Variants in KMT2A observed in about 807,000 individuals in gnomAD.
KMT2A encodes the protein lysine methyltransferase 2A.
KMT2A carries 16 observed loss-of-function variants against 345.3 expected under a neutral mutation model. The ratio of observed to expected loss-of-function variants is 0.05; its 90% CI spans 0.03 to 0.07. The LOEUF (loss-of-function observed/expected upper bound fraction) is 0.07, where lower values mean the gene tolerates loss of function less well. Ranked by LOEUF, KMT2A falls within the 10% of genes least tolerant of loss-of-function variation. The pLI is 1.00. For missense variants in KMT2A, 3,272 were observed against 4,841.6 expected (o/e 0.68, Z 9.62); for synonymous variants, 1,599 against 1,778.6 (o/e 0.90, Z 2.54).
In KMT2A at chr11:118,482,469, C is replaced by T; in HGVS notation, c.4060C>T (p.Pro1354Ser). Residue 1354 changes from proline to serine, a missense_variant, in exon 8 of 36, where the codon CCT becomes TCT. By Grantham distance (74) the Pro-to-Ser change is moderately conservative (BLOSUM62 -1). Coordinates refer to ENST00000534358, the MANE Select transcript of KMT2A (RefSeq NM_001197104.2). ...AAAAGTGGCTCCCCGCCCAAGTATC[C>T]CTGTAAAACAAAAACCAAAAGAAAA... is the stretch of plus-strand genomic sequence containing the variant. The part of the protein sequence containing the change: ...QKKVAPRPSI[P>S]VKQKPKEKEK... The T allele has an allele frequency of 1.2e-6, 2 of 1,612,908 alleles. No individual in the cohort carries two copies. Among genetic ancestry groups the T allele is most frequent in the East Asian group, 4.5e-5 (2 of 44,866 alleles).
At position 118,522,264 on chromosome 11, in the gene KMT2A, A is replaced by ATT; in HGVS notation, c.*93_*94dup. 7.2e-7 allele frequency: 1 copy of ATT among 1,391,624 alleles called. No homozygotes were observed. Among genetic ancestry groups the ATT allele is most frequent in the South Asian group, 1.3e-5 (1 of 76,326 alleles). 86.2% of individuals were successfully genotyped at this position (1,391,624 alleles called of 1,614,324 possible). On this transcript the variant is annotated 3_prime_UTR_variant, in exon 36 of 36. Transcript: ENST00000534358. The surrounding 1 kb of genome is among the most constrained non-coding windows in gnomAD (Gnocchi z 5.4). Reference sequence around the variant, plus strand: ...TTTTCCAGCAGCTGGGAGCTCCCGGATTGCGTGGCACAGCTGAGGGGCCTC... The same window carrying ATT: ...TTTTCCAGCAGCTGGGAGCTCCCGGATTTTGCGTGGCACAGCTGAGGGGCCTC...
At position 118,504,907 on chromosome 11, in the gene KMT2A, C is replaced by T. The variant is rs1950555700; in HGVS notation, c.9015C>T (p.Asp3005=). The change falls in exon 27 of 36, where the codon GAC becomes GAT. Residue 3005 remains aspartate (D), a synonymous_variant. Transcript: ENST00000534358. The surrounding 1 kb of genome is among the most constrained non-coding windows in gnomAD (Gnocchi z 6.4). ...TTATCCAAGGACACATGGATGCAGA[C>T]CACATCTCTAGCCCTCCTTGTGGTT... ...DHFIQGHMDA[D]HISSPPCGSV... 2 of 1,614,192 alleles carry T rather than the reference C, an allele frequency of 1.2e-6. No individual in the cohort carries two copies. The highest frequency in any genetic ancestry group is 1.7e-6 in the Non-Finnish European group (2 of 1,180,030).
chr11:118,521,531 TAAAA>T lies in KMT2A; in HGVS notation c.11643+118_11643+121del, dbSNP rs1950969247. ...ATGTTATCAATTCAGAGACCTTTCT[TAAAA>T]AAATAAACTCTGAAATTTGTGAGGG... On this transcript the variant is annotated intron_variant, in intron 35 of 35. Transcript: ENST00000534358. This position sits in a 1 kb window ranked among gnomAD's most constrained non-coding sequence, Gnocchi z 5.3. The T allele has an allele frequency of 7.9e-7, 1 of 1,264,076 alleles. No individual in the cohort carries two copies. The highest frequency in any genetic ancestry group is 1.5e-5 in the African/African-American group (1 of 66,602). 78.3% of individuals were successfully genotyped at this position (1,264,076 alleles called of 1,614,324 possible).
chr11:118,455,261 A>G (rs1210368629), intron 1 of KMT2A, among the ~76,000 whole-genome samples: 1 of 152,186 alleles, frequency 6.6e-6, no homozygotes, highest in Non-Finnish European at 1.5e-5. Context: ...TTCATGGGGC[A>G]GGAATTTTGT....
rs1467560463 is a variant in KMT2A at position 118,521,485 on chromosome 11, G to A, written c.11643+68G>A. On this transcript the variant is annotated intron_variant, in intron 35 of 35. Coordinates refer to ENST00000534358, the MANE Select transcript of KMT2A (RefSeq NM_001197104.2). The surrounding 1 kb of genome is among the most constrained non-coding windows in gnomAD (Gnocchi z 5.3). ...GTAGAAAGGGACCAGTATGACCCCT[G>A]GATCACAAAAGAAATAGTGTATGTT... 2.3e-5 allele frequency: 35 copies of A among 1,544,066 alleles called. No individual in the cohort carries two copies. The Middle Eastern group carries it at 5.1e-4, about 23-fold the overall frequency.
At position 118,506,166 on chromosome 11, in the gene KMT2A, C is replaced by G. The variant is rs140200473; in HGVS notation, c.10274C>G (p.Ala3425Gly). Residue 3425 changes from alanine (A) to glycine (G), a missense_variant, in exon 27 of 36, where the codon GCG becomes GGG. Physicochemically the swap from Ala to Gly is moderately conservative, Grantham distance 60. This residue lies in a region of KMT2A where 748 missense variants were observed against 922.2 expected (regional missense o/e 0.81). Coordinates refer to ENST00000534358, the MANE Select transcript of KMT2A (RefSeq NM_001197104.2). ...SQTPSTAAIT[A>G]ASSICVLPST... ...ACCCCCTCTACTGCTGCAATAACAGCGGCATCTAGCATCTGTGTGCTCCCC... is the reference window on the plus strand; with the variant it reads ...ACCCCCTCTACTGCTGCAATAACAGGGGCATCTAGCATCTGTGTGCTCCCC... 6.2e-7 allele frequency: 1 copy of G among 1,614,016 alleles called. No homozygotes were observed. The highest frequency in any genetic ancestry group is 1.3e-5 in the African/African-American group (1 of 74,908).
In KMT2A at chr11:118,497,858, A is replaced by T; in HGVS notation, c.5665-78A>T. ...TAGTTGCTTTCTTGAGGTTATCTTC[A>T]CTGGAAAAGCTAATGCCGAGGAAAA... On this transcript the variant is annotated intron_variant, in intron 20 of 35. Transcript: ENST00000534358. This position sits in a 1 kb window ranked among gnomAD's most constrained non-coding sequence, Gnocchi z 4.8. 1 of 1,119,686 alleles carries T rather than the reference A, an allele frequency of 8.9e-7. No homozygotes were observed. Among genetic ancestry groups the T allele is most frequent in the Non-Finnish European group, 1.3e-6 (1 of 758,274 alleles). The allele number at this position is 1,119,686 out of a possible 1,614,324, so 69.4% of individuals were successfully genotyped here. A position where few individuals can be genotyped will look rare whatever the true frequency, so the allele number is the denominator to read the frequency against.
chr11:118,510,123 G>C lies in KMT2A; in HGVS notation c.11071+5G>C. Reference sequence around the variant, plus strand: ...TCTGTGCAGAAAGTATTGAAGGTGAGTGGATTAAATCAGGTTGACCCATCA... The same window carrying C: ...TCTGTGCAGAAAGTATTGAAGGTGACTGGATTAAATCAGGTTGACCCATCA... On this transcript the variant is annotated splice_donor_5th_base_variant and intron_variant, in intron 30 of 35. Coordinates refer to ENST00000534358, the MANE Select transcript of KMT2A (RefSeq NM_001197104.2). This position sits in a 1 kb window ranked among gnomAD's most constrained non-coding sequence, Gnocchi z 4.1. 6.3e-7 allele frequency: 1 copy of C among 1,599,912 alleles called. No individual in the cohort carries two copies. Among genetic ancestry groups the C allele is most frequent in the Non-Finnish European group, 8.5e-7 (1 of 1,171,028 alleles).
rs782261966 is a variant in KMT2A, at chr11:118,473,935, T to C, written c.2776T>C (p.Ser926Pro). ...TGGTGAAGATGTTGCCACTTCATCT[T>C]CTGCCAAAAAAGCAACAGGGCGGAA... ...VVGEDVATSS[S>P]AKKATGRKKS... The change falls in exon 3 of 36, where the codon TCT (serine) becomes CCT (proline). Residue 926 changes from serine to proline, a missense_variant. Coordinates refer to ENST00000534358, the MANE Select transcript of KMT2A (RefSeq NM_001197104.2). This position sits in a 1 kb window ranked among gnomAD's most constrained non-coding sequence, Gnocchi z 5.2. The C allele has an allele frequency of 7.4e-6, 12 of 1,613,990 alleles. No individual in the cohort carries two copies. The highest frequency in any genetic ancestry group is 9.3e-6 in the Non-Finnish European group (11 of 1,179,986).
chr11:118,476,378 GTTGT>G lies in KMT2A; in HGVS notation c.3157-416_3157-413del, dbSNP rs781788897. Reference sequence around the variant, plus strand: ...TAGTATAATTGGGAATAGAAGCTTAGTTGTTTGTTTGTTTTTAAGATAGGGTCTC... The same window carrying G: ...TAGTATAATTGGGAATAGAAGCTTAGTTGTTTGTTTTTAAGATAGGGTCTC... On this transcript the variant is annotated intron_variant, in intron 3 of 35. Coordinates refer to ENST00000534358, the MANE Select transcript of KMT2A (RefSeq NM_001197104.2). This position sits in a 1 kb window ranked among gnomAD's most constrained non-coding sequence, Gnocchi z 4.1. Among the ~76,000 whole-genome samples the G allele has an allele frequency of 1.3e-5, 2 of 152,130 alleles. No homozygotes were observed. Among genetic ancestry groups the G allele is most frequent in the African/African-American group, 4.8e-5 (2 of 41,438 alleles).
At chr11:118,453,873 T>C (rs1464707115) in intron 1 of KMT2A, among the ~76,000 whole-genome samples, 3 of 152,238 alleles carry the variant, frequency 2.0e-5, no homozygotes, top group African/African-American at 7.2e-5. Context: ...TAAAAAGTCT[T>C]GACTTTCTTC....
In KMT2A at chr11:118,490,898, C is replaced by T. The variant is rs782486737; in HGVS notation, c.4697-298C>T. Among the ~76,000 whole-genome samples, 1 of 152,144 alleles carries T rather than the reference C, an allele frequency of 6.6e-6. No individual in the cohort carries two copies. Among genetic ancestry groups the T allele is most frequent in the Non-Finnish European group, 1.5e-5 (1 of 68,022 alleles). On this transcript the variant is annotated intron_variant, in intron 13 of 35. Transcript: ENST00000534358. The surrounding 1 kb of genome is among the most constrained non-coding windows in gnomAD (Gnocchi z 4.2). The stretch of plus-strand genomic sequence containing the variant: ...ATATTTCTTACAAATGTGTGAGAAA[C>T]TTCTCTCTTCCATTCTTTTCTATTG...
chr11:118,494,696 A>C lies in KMT2A; in HGVS notation c.5292A>C (p.Gln1764His), dbSNP rs541431062. The C allele has an allele frequency of 1.2e-6, 2 of 1,613,618 alleles. No individual in the cohort carries two copies. The highest frequency in any genetic ancestry group is 2.2e-5 in the South Asian group (2 of 90,974). ...ATTTTGTTTGTGTTTTCTTTTAGCA[A>C]ATGGAACGTGTTTTTCCATGGTTCA... ...NSMVKSFFIR[Q>H]MERVFPWFSV... is the part of the protein sequence containing the mutation. The change falls in exon 18 of 36, where the codon CAA (glutamine) becomes CAC (histidine). Residue 1764 changes from glutamine to histidine, a missense_variant and splice_region_variant. Coordinates refer to ENST00000534358, the MANE Select transcript of KMT2A (RefSeq NM_001197104.2). This position sits in a 1 kb window ranked among gnomAD's most constrained non-coding sequence, Gnocchi z 5.8.
At chr11:118,509,788 A>C (rs1336204969) in intron 29 of KMT2A, among the ~76,000 whole-genome samples, 160 bp from the exon 30 acceptor site, 1 of 152,196 alleles carries the variant, frequency 6.6e-6, no homozygotes, top group East Asian at 1.9e-4. Context: ...TGACCTAGGC[A>C]AGCTCTTTGA....
Position 118,493,014 on chromosome 11 carries a change from G to A in KMT2A, c.5005-43G>A, listed in dbSNP as rs977047746. 3 of 1,525,248 alleles carry A rather than the reference G, an allele frequency of 2.0e-6. No homozygotes were observed. Among genetic ancestry groups the A allele is most frequent in the South Asian group, 1.2e-5 (1 of 85,568 alleles). 94.5% of individuals were successfully genotyped at this position (1,525,248 alleles called of 1,614,324 possible). On this transcript the variant is annotated intron_variant, in intron 15 of 35. Transcript: ENST00000534358. The surrounding 1 kb of genome is among the most constrained non-coding windows in gnomAD (Gnocchi z 5.8). ...TAATAGAATTTACATGGACACCTTG[G>A]TTTTAGTGTTAGATAAAAGCAACAT...
At chr11:118,447,689 T>C (rs1555027562) in intron 1 of KMT2A, 1 of 451,516 alleles carries the variant, frequency 2.2e-6, no homozygotes, top group Non-Finnish European at 4.4e-6. Context: ...AAAAGATGAT[T>C]ATATGATTGG....
Position 118,524,223 on chromosome 11 carries a change from C to A in KMT2A, c.*2051C>A. The A allele has an allele frequency of 5.5e-6, 1 of 183,362 alleles. No homozygotes were observed. Among genetic ancestry groups the A allele is most frequent in the East Asian group, 8.9e-5 (1 of 11,272 alleles). The allele number at this position is 183,362 out of a possible 1,614,324, so 11.4% of individuals were successfully genotyped here. ...AACTGAAGCACAGTCTGACCACTCA[C>A]GATAAAGCAGATTTTTCTCTGCCTC... On this transcript the variant is annotated 3_prime_UTR_variant, in exon 36 of 36. Coordinates refer to ENST00000534358, the MANE Select transcript of KMT2A (RefSeq NM_001197104.2).
intron 29 of KMT2A, 142 bp downstream of exon 29, chr11:118,509,342 G>T (rs1565309732): frequency 3.1e-6 from 2 of 646,864 alleles, no homozygotes; most frequent in Non-Finnish European, 5.2e-6. Flanking sequence ...GGCCCACATT[G>T]GACTGAAACT....
chr11:118,523,399 A>G lies in KMT2A; in HGVS notation c.*1227A>G, dbSNP rs9332872. ...TGCCACCTGCGTGCAACCCACAGCT[A>G]AAGTAAATTCAATGACACTACTGCC... On this transcript the variant is annotated 3_prime_UTR_variant, in exon 36 of 36. Coordinates refer to ENST00000534358, the MANE Select transcript of KMT2A (RefSeq NM_001197104.2). The G allele has an allele frequency of 4.1e-3, 931 of 229,354 alleles. 9 individuals carry two copies. Among genetic ancestry groups the G allele is most frequent in the African/African-American group, 0.019 (867 of 45,178 alleles). 14.2% of individuals were successfully genotyped at this position (229,354 alleles called of 1,614,324 possible).
Sources: gnomAD v4.1 joint callset for allele counts (sites outside exome capture counted in the v4.1 genomes callset) on GRCh38, gnomAD v4.1.1 for gene constraint, gnomAD v4.1.1 regional missense constraint, Gnocchi (gnomAD v3.1) non-coding constraint, MANE v1.5 for transcripts, NCBI Gene and HGNC (gene_info 2026-07-23, HGNC 2026-07-21) for gene names.